Variants in SLIT3 observed in about 807,000 individuals in gnomAD.
SLIT3 encodes slit guidance ligand 3, also known as slit homolog 3 protein.
Under a neutral mutation model 184.0 loss-of-function variants are expected in SLIT3, and 68 were observed. That is an observed-to-expected ratio of 0.37 (90% CI 0.30 to 0.45). The LOEUF (loss-of-function observed/expected upper bound fraction) is 0.45. SLIT3 is among the 20% of genes least tolerant of loss of function. SLIT3 has a pLI of 1.00. For missense variants in SLIT3, 1,707 were observed against 2,026.0 expected, an observed-to-expected ratio of 0.84 and a Z score of 3.02; for synonymous variants, 831 against 828.6, an observed-to-expected ratio of 1.00 and a Z score of -0.05.
intron 4 of SLIT3, among the ~76,000 whole-genome samples, chr5:169,147,225 C>T (rs903519798): frequency 3.9e-5 from 6 of 152,190 alleles, no homozygotes; most frequent in Non-Finnish European, 5.9e-5. Flanking sequence ...GAGGGTCTGG[C>T]ACATAGCAGG....
At chr5:169,139,384 A>G (rs1761641037) in intron 4 of SLIT3, among the ~76,000 whole-genome samples, 1 of 152,208 alleles carries the variant, frequency 6.6e-6, no homozygotes, top group South Asian at 2.1e-4. Context: ...TTTGCAAACT[A>G]CTTTTTATGT....
At chr5:168,910,126 T>TC (rs533113915) in intron 4 of SLIT3, among the ~76,000 whole-genome samples, 3 of 152,188 alleles carry the variant, frequency 2.0e-5, no homozygotes, top group Non-Finnish European at 4.4e-5. Context: ...AATTGTCTTC[T>TC]CCCCTTGATG....
chr5:168,987,375 C>T (rs1288103584), intron 4 of SLIT3, among the ~76,000 whole-genome samples: 1 of 152,200 alleles, frequency 6.6e-6, no homozygotes, highest in Non-Finnish European at 1.5e-5. Flanking sequence ...TCACGCTAAT[C>T]TCTCTAGCAG....
At chr5:169,243,085 G>A (rs1353841335) in intron 3 of SLIT3, among the ~76,000 whole-genome samples, 4 of 152,034 alleles carry the variant, frequency 2.6e-5, no homozygotes, top group South Asian at 4.2e-4. Context: ...TCTGCAAAAT[G>A]AGGGTAATTA....
intron 3 of SLIT3, among the ~76,000 whole-genome samples, chr5:169,229,346 T>C (rs759730909): frequency 3.3e-5 from 5 of 152,220 alleles, no homozygotes; most frequent in East Asian, 1.9e-4. Context: ...AATGTGGGCT[T>C]ACCCACTAAG....
intron 32 of SLIT3, among the ~76,000 whole-genome samples, chr5:168,682,776 C>T (rs1011148627): frequency 1.3e-5 from 2 of 152,134 alleles, no homozygotes; most frequent in Non-Finnish European, 2.9e-5. Flanking sequence ...CTTCACCAAT[C>T]CCTATGAAAT....
intron 3 of SLIT3, among the ~76,000 whole-genome samples, chr5:169,214,716 T>G: frequency 6.6e-6 from 1 of 152,150 alleles, no homozygotes; most frequent in East Asian, 1.9e-4. Flanking sequence ...CAACGTGACA[T>G]CTCCTGTGGG....
At chr5:169,168,385 G>A (rs1762709874) in intron 4 of SLIT3, among the ~76,000 whole-genome samples, 1 of 152,124 alleles carries the variant, frequency 6.6e-6, no homozygotes, top group Non-Finnish European at 1.5e-5. Flanking sequence ...AGCTCTCTGG[G>A]GCTGCTGCAC....
chr5:168,800,064 C>T (rs781656506), intron 9 of SLIT3, among the ~76,000 whole-genome samples: 29 of 152,138 alleles, frequency 1.9e-4, no homozygotes, highest in African/African-American at 5.8e-4. Flanking sequence ...GTCCAGATCA[C>T]GCTGAAGGAA....
At chr5:168,914,270 A>G (rs1293028819) in intron 4 of SLIT3, among the ~76,000 whole-genome samples, 1 of 152,202 alleles carries the variant, frequency 6.6e-6, no homozygotes, top group Non-Finnish European at 1.5e-5. Flanking sequence ...ATTAGGTTGC[A>G]CTAATCTTAT....
In SLIT3 at chr5:169,268,757, G is replaced by T. The variant is rs114675735; in HGVS notation, c.198-17298C>A. Among the ~76,000 whole-genome samples the T allele has an allele frequency of 2.8e-3, 422 of 152,300 alleles. 6 individuals are homozygous for T. The highest frequency in any genetic ancestry group is 9.6e-3 in the African/African-American group (399 of 41,556). On this transcript the variant is annotated intron_variant, in intron 1 of 35. Transcript: ENST00000519560. ...CAGAGGGTTTTTGAGATGCTCAAGT[G>T]AGCCAATGCAAGACAAAGCATTTTA... is the stretch of plus-strand genomic sequence containing the variant.
intron 4 of SLIT3, among the ~76,000 whole-genome samples, chr5:169,002,069 T>G (rs1326384537): frequency 6.6e-6 from 1 of 151,800 alleles, no homozygotes; most frequent in African/African-American, 2.4e-5. Context: ...ATCACAGCAC[T>G]TTGAGAGGCC....
chr5:169,241,055 T>G (rs1263210489), intron 3 of SLIT3, among the ~76,000 whole-genome samples: 1 of 152,154 alleles, frequency 6.6e-6, no homozygotes, highest in Non-Finnish European at 1.5e-5. Flanking sequence ...TTTTTGAACT[T>G]AAAAGTCAAC....
In SLIT3 at chr5:169,069,195, G is replaced by A. The variant is rs539530198; in HGVS notation, c.413+124284C>T. ...GAAAGTGAGTTTGGCACATATTAAG[G>A]GGGCACACAACTCCTCAGTGCCTGA... On this transcript the variant is annotated intron_variant, in intron 4 of 35. Transcript: ENST00000519560. 1.1e-4 allele frequency among the ~76,000 whole-genome samples: 16 copies of A among 152,294 alleles called. No homozygotes were observed. The South Asian group carries it at 3.3e-3, about 32-fold the overall frequency.
At chr5:169,294,080 C>T (rs1455826467) in intron 1 of SLIT3, among the ~76,000 whole-genome samples, 5 of 152,138 alleles carry the variant, frequency 3.3e-5, no homozygotes, top group Non-Finnish European at 5.9e-5. Flanking sequence ...TCTGGGAATG[C>T]CTCCACCCCT....
intron 4 of SLIT3, among the ~76,000 whole-genome samples, chr5:169,016,902 G>A (rs551693411): frequency 6.6e-6 from 1 of 152,156 alleles, no homozygotes; most frequent in Non-Finnish European, 1.5e-5. Flanking sequence ...TGCTACTTGA[G>A]GGAGGAACAG....
chr5:168,908,725 C>T (rs1761161141), intron 4 of SLIT3, among the ~76,000 whole-genome samples: 2 of 152,162 alleles, frequency 1.3e-5, no homozygotes. Flanking sequence ...TTACAGAACT[C>T]CTTTATCCTG....
At chr5:168,914,805 T>G (rs553086929) in intron 4 of SLIT3, among the ~76,000 whole-genome samples, 3 of 152,168 alleles carry the variant, frequency 2.0e-5, no homozygotes, top group Non-Finnish European at 4.4e-5. Context: ...ATCCTGTGTC[T>G]GGGTGGGGAG....
intron 4 of SLIT3, among the ~76,000 whole-genome samples, chr5:169,052,583 G>A (rs556750715): frequency 7.9e-4 from 120 of 152,308 alleles, no homozygotes; most frequent in Middle Eastern, 3.4e-3. Context: ...AGGAGGGAAG[G>A]AGAATGTCAA....
Sources: gnomAD v4.1 joint callset for allele counts (sites outside exome capture counted in the v4.1 genomes callset) on GRCh38, gnomAD v4.1.1 for gene constraint, MANE v1.5 for transcripts, NCBI Gene and HGNC (gene_info 2026-07-23, HGNC 2026-07-21) for gene names.